Variants in HDAC9 observed in about 807,000 individuals in gnomAD.
HDAC9 encodes histone deacetylase 9, also known as MEF-2 interacting transcription repressor (MITR) protein.
A neutral mutation model predicts 139.4 loss-of-function variants in HDAC9; 41 were observed. The ratio of observed to expected loss-of-function variants is 0.29; its 90% confidence interval spans 0.23 to 0.38. The LOEUF is 0.38. Ranked by LOEUF, HDAC9 falls within the 10% of genes least tolerant of loss-of-function variation. The pLI is 1.00. For missense variants in HDAC9, 1,147 were observed against 1,297.0 expected, an observed-to-expected ratio of 0.88 and a Z score of 1.78; for synonymous variants, 517 against 476.2, an observed-to-expected ratio of 1.09 and a Z score of -1.12.
intron 24 of HDAC9, among the ~76,000 whole-genome samples, chr7:18,955,676 A>G (rs1317603634): frequency 1.3e-5 from 2 of 152,140 alleles, no homozygotes; most frequent in Non-Finnish European, 2.9e-5. Context: ...GTGAGAGACA[A>G]CCAAGTAAAT....
rs372205407 is a variant in HDAC9, at chr7:18,857,024, C to T, written c.2685-17454C>T. Among the ~76,000 whole-genome samples the T allele has an allele frequency of 4.9e-4, 74 of 152,098 alleles. 1 individual carries two copies. The highest frequency in any genetic ancestry group is 1.6e-3 in the African/African-American group (67 of 41,500). ...TCTCAGCTTTATCTTTTTCTTTCTC[C>T]GATTTCTTCAGTCCAGCTTTCAACT... On this transcript the variant is annotated intron_variant, in intron 21 of 25. Coordinates refer to ENST00000686413, the MANE Select transcript of HDAC9 (RefSeq NM_178425.4).
Position 18,896,119 on chromosome 7 carries a change from T to C in HDAC9, c.2803+21523T>C, listed in dbSNP as rs190585296. 3.0e-3 allele frequency among the ~76,000 whole-genome samples: 457 copies of C among 152,188 alleles called. 2 individuals are homozygous for C. The highest frequency in any genetic ancestry group is 0.01 in the African/African-American group (426 of 41,562). ...AAGTGTTATTTATGAAGGAAGAAAC[T>C]ATTTTATGAAATATGATCTGTTGAC... On this transcript the variant is annotated intron_variant, in intron 22 of 25. Transcript: ENST00000686413.
At chr7:18,993,316 C>A (rs932730430) in intron 25 of HDAC9, among the ~76,000 whole-genome samples, 3 of 152,092 alleles carry the variant, frequency 2.0e-5, no homozygotes, top group African/African-American at 7.2e-5. Context: ...TTCTCATAAC[C>A]GTGAGGGCAA....
chr7:18,933,089 T>G (rs976834300), intron 22 of HDAC9, among the ~76,000 whole-genome samples: 3 of 152,164 alleles, frequency 2.0e-5, no homozygotes, highest in Non-Finnish European at 4.4e-5. Flanking sequence ...GATACCATAT[T>G]CAACCCCAGT....
intron 21 of HDAC9, among the ~76,000 whole-genome samples, chr7:18,851,010 T>C (rs1797247230): frequency 6.6e-6 from 1 of 152,148 alleles, no homozygotes; most frequent in African/African-American, 2.4e-5. Flanking sequence ...GACATGTGAA[T>C]TTATAGGGGA....
chr7:18,533,132 T>G (rs537753142), intron 2 of HDAC9, among the ~76,000 whole-genome samples: 2 of 152,242 alleles, frequency 1.3e-5, no homozygotes, highest in Non-Finnish European at 2.9e-5. Context: ...GGCTTTTTTC[T>G]GAAGTTCATT....
chr7:18,936,788 C>A (rs1781666226), intron 23 of HDAC9, among the ~76,000 whole-genome samples: 1 of 152,050 alleles, frequency 6.6e-6, no homozygotes, highest in South Asian at 2.1e-4. Context: ...AAAAATCTAT[C>A]ATTCATATCA....
intron 2 of HDAC9, among the ~76,000 whole-genome samples, chr7:18,217,421 C>T (rs1792395010): frequency 6.6e-6 from 1 of 151,096 alleles, no homozygotes; most frequent in Admixed American, 6.6e-5. Context: ...TTATTTTTTC[C>T]TCTTGCTTTC....
intron 1 of HDAC9, among the ~76,000 whole-genome samples, chr7:18,444,212 G>T (rs1792071447): frequency 6.6e-6 from 1 of 151,648 alleles, no homozygotes; most frequent in Non-Finnish European, 1.5e-5. Flanking sequence ...GGTGGCGTGT[G>T]TCTGTAGTCC....
intron 13 of HDAC9, among the ~76,000 whole-genome samples, chr7:18,740,949 G>T (rs181956369): frequency 3.3e-5 from 5 of 152,288 alleles, no homozygotes; most frequent in Admixed American, 3.3e-4. Context: ...CTCATCCAGA[G>T]CAAGTCCCTA....
chr7:18,310,118 A>G (rs1027623167), intron 1 of HDAC9, among the ~76,000 whole-genome samples: 1 of 135,092 alleles, frequency 7.4e-6, no homozygotes, highest in African/African-American at 2.8e-5. Flanking sequence ...GAGACTTTCA[A>G]GCTATCCCAA....
At chr7:18,989,760 TGC>T in intron 25 of HDAC9, among the ~76,000 whole-genome samples, 1 of 78,046 alleles carries the variant, frequency 1.3e-5, no homozygotes, top group African/African-American at 5.5e-5. Flanking sequence ...TTTCTTCTTA[TGC>T]TTTTTTCTCT....
chr7:18,976,966 A>G (rs1294543463), intron 25 of HDAC9, among the ~76,000 whole-genome samples: 1 of 152,202 alleles, frequency 6.6e-6, no homozygotes, highest in Non-Finnish European at 1.5e-5. Flanking sequence ...GAACAGTTCT[A>G]CTTTCTTGCT....
chr7:18,774,566 T>A (rs1170487871), intron 16 of HDAC9, among the ~76,000 whole-genome samples: 3 of 152,080 alleles, frequency 2.0e-5, no homozygotes, highest in Non-Finnish European at 4.4e-5. Context: ...AAAATGTACA[T>A]AATTTTAAAA....
Position 18,623,868 on chromosome 7 carries a change from G to A in HDAC9, c.665-5482G>A, listed in dbSNP as rs138082218. 1.7e-3 allele frequency among the ~76,000 whole-genome samples: 263 copies of A among 152,280 alleles called. 6 individuals carry two copies. The East Asian group carries it at 0.046, about 27-fold the overall frequency. ...GAGGCAGAATTGCTTGAACCCAGGA[G>A]GGGGAGGTTACAGTGAGCCAAGATC... On this transcript the variant is annotated intron_variant, in intron 6 of 25. Coordinates refer to ENST00000686413, the MANE Select transcript of HDAC9 (RefSeq NM_178425.4).
At chr7:18,835,318 T>C (rs977351225) in intron 19 of HDAC9, 149 bp from the exon 20 acceptor site, 1 of 861,408 alleles carries the variant, frequency 1.2e-6, no homozygotes, top group Non-Finnish European at 1.7e-6. Context: ...GGAAGCAGGC[T>C]GAAAGGGAGA....
chr7:18,837,196 T>C (rs1047189221), intron 21 of HDAC9, among the ~76,000 whole-genome samples: 3 of 151,690 alleles, frequency 2.0e-5, no homozygotes, highest in Non-Finnish European at 4.4e-5. Context: ...CATTCTGGAA[T>C]GTGTACTTTG....
intron 2 of HDAC9, among the ~76,000 whole-genome samples, chr7:18,265,537 T>G (rs1205748080): frequency 6.6e-6 from 1 of 152,148 alleles, no homozygotes; most frequent in African/African-American, 2.4e-5. Context: ...CTGAGAGGTT[T>G]TTTTCCTTAT....
At chr7:18,619,367 T>C (rs1188268772) in intron 6 of HDAC9, among the ~76,000 whole-genome samples, 1 of 152,194 alleles carries the variant, frequency 6.6e-6, no homozygotes, top group Non-Finnish European at 1.5e-5. Flanking sequence ...TATACAGGCA[T>C]GTATTATTCA....
Sources: gnomAD v4.1 joint callset for allele counts (sites outside exome capture counted in the v4.1 genomes callset) on GRCh38, gnomAD v4.1.1 for gene constraint, MANE v1.5 for transcripts, NCBI Gene and HGNC (gene_info 2026-07-23, HGNC 2026-07-21) for gene names.